DPY19L3: variants seen among roughly 807,000 people sequenced by gnomAD.
DPY19L3 encodes dpy-19 like C-mannosyltransferase 3.
Under a neutral mutation model 92.3 loss-of-function variants are expected in DPY19L3, and 51 were observed. The ratio of observed to expected loss-of-function variants is 0.55; its 90% CI spans 0.44 to 0.70. The LOEUF (loss-of-function observed/expected upper bound fraction) is 0.70. DPY19L3 is among the 30% of genes least tolerant of loss of function. The probability of loss-of-function intolerance (pLI) is 0.00; values close to 1 mark genes in which losing one functional copy is unlikely to be tolerated. For synonymous variants in DPY19L3, 309 were observed against 315.2 expected (o/e 0.98, Z 0.21); for missense variants, 706 against 855.9 (o/e 0.82, Z 2.18).
Position 32,467,759 on chromosome 19 carries a change from A to AT in DPY19L3, c.1615-971dup. 5.1e-6 allele frequency: 5 copies of AT among 983,936 alleles called. No homozygotes were observed. The South Asian group carries it at 2.4e-4, about 46-fold the overall frequency. 61.0% of individuals were successfully genotyped at this position (983,936 alleles called of 1,614,324 possible). A position where few individuals can be genotyped will look rare whatever the true frequency, so the allele number is the denominator to read the frequency against. On this transcript the variant is annotated intron_variant, in intron 15 of 18. Coordinates refer to ENST00000392250, the MANE Select transcript of DPY19L3 (RefSeq NM_001172774.2). ...AATTCTACCTTTGACCTTAGAATGT[A>AT]TATAGATATGATCAAGTCTTTTTAG...
intron 3 of DPY19L3, 164 bp downstream of exon 3, chr19:32,411,536 A>G: frequency 9.8e-6 from 5 of 509,972 alleles, no homozygotes; most frequent in Middle Eastern, 5.2e-4. Flanking sequence ...ATTTTAAAAT[A>G]ACATATTAGA....
chr19:32,468,787 T>C lies in DPY19L3; in HGVS notation c.1671T>C (p.Asp557=), dbSNP rs745827039. Reference sequence around the variant, plus strand: ...AGTTGAGAGAATTCTATGATCCAGATACAGTGGAGCTGATGAACTGGATTA... The same window carrying C: ...AGTTGAGAGAATTCTATGATCCAGACACAGTGGAGCTGATGAACTGGATTA... The part of the protein sequence containing the change: ...LSELREFYDP[D]TVELMNWINS... The change falls in exon 16 of 19, where the codon GAT becomes GAC. Residue 557 remains aspartate (D), a synonymous_variant. Coordinates refer to ENST00000392250, the MANE Select transcript of DPY19L3 (RefSeq NM_001172774.2). 1 of 1,613,950 alleles carries C rather than the reference T, an allele frequency of 6.2e-7. No individual in the cohort carries two copies. The highest frequency in any genetic ancestry group is 8.5e-7 in the Non-Finnish European group (1 of 1,179,886).
intron 8 of DPY19L3, among the ~76,000 whole-genome samples, chr19:32,443,894 A>G (rs982658824): frequency 6.6e-6 from 1 of 152,152 alleles, no homozygotes; most frequent in African/African-American, 2.4e-5. Flanking sequence ...CGTCACTACT[A>G]AAAATACAAA....
chr19:32,432,598 A>T, intron 3 of DPY19L3, 118 bp from the exon 4 acceptor site: 1 of 784,526 alleles, frequency 1.3e-6, no homozygotes, highest in Non-Finnish European at 2.0e-6. Flanking sequence ...ATTTTTTGAG[A>T]CTATATTTTC....
At chr19:32,450,132 A>G (rs554568513) in intron 8 of DPY19L3, among the ~76,000 whole-genome samples, 1 of 152,288 alleles carries the variant, frequency 6.6e-6, no homozygotes, top group African/African-American at 2.4e-5. Context: ...AACACAGGAA[A>G]AGATGCTCAG....
rs1400075422 is a variant in DPY19L3 at position 32,463,418 on chromosome 19, C to G, written c.1375C>G (p.Leu459Val). 1.2e-6 allele frequency: 2 copies of G among 1,613,656 alleles called. No individual in the cohort carries two copies. Among genetic ancestry groups the G allele is most frequent in the Non-Finnish European group, 1.7e-6 (2 of 1,179,816 alleles). The change falls in exon 13 of 19, where the codon CTG (leucine) becomes GTG (valine). Residue 459 changes from leucine (L) to valine (V), a missense_variant. Leu to Val is a conservative substitution (Grantham distance 32, BLOSUM62 1). Coordinates refer to ENST00000392250, the MANE Select transcript of DPY19L3 (RefSeq NM_001172774.2). ...VGKMEKGTVD[L>V]KPETAYNLIH... is the part of the protein sequence containing the mutation. ...TAAAATGGAAAAAGGCACAGTTGAC[C>G]TGAAACCAGAAACTGCCTACAACTT... is the stretch of plus-strand genomic sequence containing the variant.
In DPY19L3 at chr19:32,422,628, A is replaced by AC. The variant is rs1387692053; in HGVS notation, c.238-10088_238-10087insC. On this transcript the variant is annotated intron_variant, in intron 3 of 18. Coordinates refer to ENST00000392250, the MANE Select transcript of DPY19L3 (RefSeq NM_001172774.2). ...GAGAACGAGAACAATAAATCAGGAA[A>AC]AACACACACACACACACACACACAC... Among the ~76,000 whole-genome samples, 104 of 93,874 alleles carry AC rather than the reference A, an allele frequency of 1.1e-3. 1 individual carries two copies. Among genetic ancestry groups the AC allele is most frequent in the South Asian group, 2.9e-3 (6 of 2,052 alleles). 61.6% of individuals were successfully genotyped at this position (93,874 alleles called of 152,430 possible).
rs796076542 is a variant in DPY19L3, at chr19:32,482,872, CTGTG to C, written c.*639_*642del. On this transcript the variant is annotated 3_prime_UTR_variant, in exon 19 of 19. Coordinates refer to ENST00000392250, the MANE Select transcript of DPY19L3 (RefSeq NM_001172774.2). ...AGTATGTGTCATGTATTGTGTGTGT[CTGTG>C]TGTGTGCATGTGCACACATGTGTTT... is the stretch of plus-strand genomic sequence containing the variant. 1.3e-5 allele frequency: 2 copies of C among 152,094 alleles called. No homozygotes were observed. The highest frequency in any genetic ancestry group is 2.4e-5 in the African/African-American group (1 of 41,394). The allele number at this position is 152,094 out of a possible 1,614,324, so 9.4% of individuals were successfully genotyped here. A position where few individuals can be genotyped will look rare whatever the true frequency, so the allele number is the denominator to read the frequency against.
intron 15 of DPY19L3, among the ~76,000 whole-genome samples, 158 bp downstream of exon 15, chr19:32,464,942 G>A (rs1394175417): frequency 6.6e-6 from 1 of 152,156 alleles, no homozygotes; most frequent in Non-Finnish European, 1.5e-5. Flanking sequence ...TGGGAAAATG[G>A]ATCTTTTTCC....
chr19:32,429,609 G>A (rs1189279525), intron 3 of DPY19L3, among the ~76,000 whole-genome samples: 2 of 152,130 alleles, frequency 1.3e-5, no homozygotes, highest in African/African-American at 2.4e-5. Context: ...TTTGAGCAGT[G>A]TTTTTTCTTA....
chr19:32,443,612 G>A (rs1320284572), intron 8 of DPY19L3, among the ~76,000 whole-genome samples: 1 of 152,150 alleles, frequency 6.6e-6, no homozygotes, highest in Admixed American at 6.5e-5. Context: ...ACTATGAGAA[G>A]TAACTTTTTT....
At chr19:32,409,354 T>A (rs375208573) in intron 2 of DPY19L3, among the ~76,000 whole-genome samples, 1 of 152,358 alleles carries the variant, frequency 6.6e-6, no homozygotes, top group East Asian at 1.9e-4. Flanking sequence ...GTTATGAACA[T>A]GTCATAAGCC....
chr19:32,449,088 G>A (rs1969611997), intron 8 of DPY19L3, among the ~76,000 whole-genome samples: 2 of 152,244 alleles, frequency 1.3e-5, no homozygotes, highest in Middle Eastern at 3.4e-3. Flanking sequence ...AAATGAGTTA[G>A]TATCCTTAAG....
chr19:32,412,424 T>C (rs1340531127), intron 3 of DPY19L3: 1 of 148,002 alleles, frequency 6.8e-6, no homozygotes, highest in Non-Finnish European at 1.5e-5. Context: ...AGGTACTTCC[T>C]TTTCTTTTTT....
At chr19:32,438,871 G>T in intron 6 of DPY19L3, 1 of 366,284 alleles carries the variant, frequency 2.7e-6, no homozygotes, top group Non-Finnish European at 4.9e-6. Flanking sequence ...ACCTGGGCTT[G>T]AACCCTAGGT....
chr19:32,423,371 G>C (rs555694864), intron 3 of DPY19L3, among the ~76,000 whole-genome samples: 1 of 148,344 alleles, frequency 6.7e-6, no homozygotes, highest in Non-Finnish European at 1.5e-5. Flanking sequence ...CAGTACTTGG[G>C]ATTATAGGCA....
intron 15 of DPY19L3, among the ~76,000 whole-genome samples, chr19:32,467,133 CTTGA>C (rs1970225709): frequency 6.6e-6 from 1 of 152,180 alleles, no homozygotes; most frequent in Admixed American, 6.5e-5. Flanking sequence ...GGACGTTGGT[CTTGA>C]TTAACTTAAT....
rs564642998 is a variant in DPY19L3 at position 32,482,213 on chromosome 19, C to T, written c.2124C>T (p.His708=). 1.5e-5 allele frequency: 24 copies of T among 1,613,042 alleles called. No individual in the cohort carries two copies. Among genetic ancestry groups the T allele is most frequent in the East Asian group, 1.3e-4 (6 of 44,870 alleles). ...GAGTGTTCCAGAACAAAACCTTCCA[C>T]GTTTACAAGCTGTCCAGAAACAAGT... The part of the protein sequence containing the change: ...FTRVFQNKTF[H]VYKLSRNK The change falls in exon 19 of 19, where the codon CAC becomes CAT. Residue 708 remains histidine, a synonymous_variant. Coordinates refer to ENST00000392250, the MANE Select transcript of DPY19L3 (RefSeq NM_001172774.2).
At chr19:32,441,927 CTG>C (rs2145510619) in intron 8 of DPY19L3, among the ~76,000 whole-genome samples, 1 of 152,228 alleles carries the variant, frequency 6.6e-6, no homozygotes, top group East Asian at 1.9e-4. Context: ...ACATTTGAAA[CTG>C]TGTTGGTATT....
Sources: allele counts gnomAD v4.1 joint callset (sites outside exome capture counted in the v4.1 genomes callset), GRCh38; gene constraint gnomAD v4.1.1; transcripts MANE v1.5; gene names NCBI Gene and HGNC (gene_info 2026-07-23, HGNC 2026-07-21).